Variants in PDPR observed in about 807,000 individuals in gnomAD.
PDPR encodes the protein pyruvate dehydrogenase phosphatase regulatory subunit, mitochondrial.
In PDPR, 50 loss-of-function variants were observed where a neutral mutation model predicts 102.2. The observed-to-expected ratio is 0.49, with a 90% CI of 0.39 to 0.62. The LOEUF (loss-of-function observed/expected upper bound fraction) is 0.62, where lower values mean the gene tolerates loss of function less well. PDPR is among the 20% of genes least tolerant of loss of function. The pLI is 0.00. For missense variants in PDPR, 625 were observed against 1,098.2 expected (o/e 0.57, Z 6.09); for synonymous variants, 259 against 406.0 (o/e 0.64, Z 4.35).
At chr16:70,139,815 T>G (rs958255797) in intron 11 of PDPR, among the ~76,000 whole-genome samples, 1 of 152,262 alleles carries the variant, frequency 6.6e-6, no homozygotes, top group Non-Finnish European at 1.5e-5. Flanking sequence ...GGCATACTTA[T>G]GCTCAGGACT....
At chr16:70,129,378 C>G (rs1200308441) in intron 6 of PDPR, among the ~76,000 whole-genome samples, 7 of 152,268 alleles carry the variant, frequency 4.6e-5, no homozygotes, top group African/African-American at 1.7e-4. Context: ...GAGCTTCACT[C>G]TTTTCGCCCA....
At position 70,159,848 on chromosome 16, in the gene PDPR, C is replaced by G. The variant is rs1967616040; in HGVS notation, c.*2969C>G. 1 of 153,070 alleles carries G rather than the reference C, an allele frequency of 6.5e-6. No individual in the cohort carries two copies. Among genetic ancestry groups the G allele is most frequent in the African/African-American group, 2.4e-5 (1 of 41,506 alleles). The allele number at this position is 153,070 out of a possible 1,614,324, so 9.5% of individuals were successfully genotyped here. On this transcript the variant is annotated 3_prime_UTR_variant, in exon 19 of 19. Transcript: ENST00000288050. Reference sequence around the variant, plus strand: ...AATAAGGAGGGACAACCACAGCCTCCTCATCCATGTGTCATTTCCAAGGGT... The same window carrying G: ...AATAAGGAGGGACAACCACAGCCTCGTCATCCATGTGTCATTTCCAAGGGT...
chr16:70,126,584 C>T (rs772527478), intron 3 of PDPR, among the ~76,000 whole-genome samples: 24 of 152,342 alleles, frequency 1.6e-4, no homozygotes, highest in Non-Finnish European at 2.8e-4. Flanking sequence ...AAGATGGTTT[C>T]GATCTCCTGA....
chr16:70,156,710 CG>C lies in PDPR; in HGVS notation c.2476del (p.Glu826LysfsTer5), dbSNP rs1967249688. 4.3e-6 allele frequency: 7 copies of C among 1,613,968 alleles called. No individual in the cohort carries two copies. The highest frequency in any genetic ancestry group is 5.1e-6 in the Non-Finnish European group (6 of 1,179,912). On this transcript the variant is annotated frameshift_variant, in exon 19 of 19. Coordinates refer to ENST00000288050, the MANE Select transcript of PDPR (RefSeq NM_017990.5). LOFTEE classifies it high-confidence loss of function. ...TTTGTGCACAATTTTTCTGAGGACA[CG>C]GGGGAAGAGCAAGTGGTGACAGCAG... ...LGFVHNFSED[T>X]GEEQVVTADF... is the part of the protein sequence containing the mutation.
chr16:70,152,654 T>C (rs1299335382), intron 17 of PDPR, among the ~76,000 whole-genome samples: 2 of 152,296 alleles, frequency 1.3e-5, no homozygotes, highest in African/African-American at 4.8e-5. Flanking sequence ...GCTGGTTCTT[T>C]GCTACGTCTT....
In PDPR at chr16:70,160,522, A is replaced by G. The variant is rs1455526021; in HGVS notation, c.*3643A>G. On this transcript the variant is annotated 3_prime_UTR_variant, in exon 19 of 19. Transcript: ENST00000288050. ...CATTCAGGCCAGAGACACAGAGACC[A>G]CATAGCCCAGTGATTAAACCCCGGT... 6.5e-6 allele frequency: 1 copy of G among 152,704 alleles called. No homozygotes were observed. Among genetic ancestry groups the G allele is most frequent in the African/African-American group, 2.4e-5 (1 of 41,478 alleles). The allele number at this position is 152,704 out of a possible 1,614,324, so 9.5% of individuals were successfully genotyped here.
intron 3 of PDPR, among the ~76,000 whole-genome samples, chr16:70,122,694 C>G (rs188719085): frequency 4.6e-5 from 7 of 152,384 alleles, no homozygotes; most frequent in Admixed American, 2.6e-4. Flanking sequence ...GGCTTAGCAT[C>G]CATTGACAAC....
rs561440220 is a variant in PDPR, at chr16:70,122,188, T to C, written c.227+1469T>C. On this transcript the variant is annotated intron_variant, in intron 3 of 18. Transcript: ENST00000288050. Reference sequence around the variant, plus strand: ...TTTTAGTAGAGACAGGATTTCACCGTGTTAGCCAGGCTGGTCTTGGACTCC... The same window carrying C: ...TTTTAGTAGAGACAGGATTTCACCGCGTTAGCCAGGCTGGTCTTGGACTCC... Among the ~76,000 whole-genome samples, 274 of 152,280 alleles carry C rather than the reference T, an allele frequency of 1.8e-3. 1 individual carries two copies. Among genetic ancestry groups the C allele is most frequent in the Admixed American group, 5.8e-3 (88 of 15,280 alleles).
rs770309931 is a variant in PDPR, at chr16:70,153,520, A to C, written c.2182A>C (p.Asn728His). Reference protein sequence around the residue: ...FFAFWGQDINNLTTPLECGRE... With the variant: ...FFAFWGQDINHLTTPLECGRE... ...TGCCTTCTGGGGTCAGGATATAAATAACCTCACCACGCCCCTGGAATGTGG... is the reference window on the plus strand; with the variant it reads ...TGCCTTCTGGGGTCAGGATATAAATCACCTCACCACGCCCCTGGAATGTGG... Residue 728 changes from asparagine to histidine, a missense_variant, in exon 18 of 19, where the codon AAC becomes CAC. By Grantham distance (68) the Asn-to-His change is moderately conservative (BLOSUM62 1). Transcript: ENST00000288050. The C allele has an allele frequency of 1.9e-6, 3 of 1,612,216 alleles. No homozygotes were observed. The highest frequency in any genetic ancestry group is 2.5e-6 in the Non-Finnish European group (3 of 1,179,330).
chr16:70,156,864 C>T lies in PDPR; in HGVS notation c.2625C>T (p.Asp875=), dbSNP rs1440000523. Reference sequence around the variant, plus strand: ...GAAAGGATGACATGGAGCTGAGTGACTTACATGGGAAGTGATGCCACCAGG... The same window carrying T: ...GAAAGGATGACATGGAGCTGAGTGATTTACATGGGAAGTGATGCCACCAGG... ...KRRKDDMELS[D]LHGK Residue 875 remains aspartate, a synonymous_variant, in exon 19 of 19, where the codon GAC becomes GAT. Coordinates refer to ENST00000288050, the MANE Select transcript of PDPR (RefSeq NM_017990.5). 1 of 1,613,714 alleles carries T rather than the reference C, an allele frequency of 6.2e-7. No homozygotes were observed.
chr16:70,132,819 TTG>T (rs898799515), intron 9 of PDPR, among the ~76,000 whole-genome samples: 6 of 151,802 alleles, frequency 4.0e-5, no homozygotes, highest in Admixed American at 3.3e-4. Flanking sequence ...CTCTATCATT[TTG>T]TGTGTGTGTG....
chr16:70,119,941 G>C (rs1429784920), intron 2 of PDPR, among the ~76,000 whole-genome samples: 1 of 150,718 alleles, frequency 6.6e-6, no homozygotes, highest in African/African-American at 2.5e-5. Flanking sequence ...TTTTGAGACG[G>C]AGTCTCGCTC....
Position 70,156,839 on chromosome 16 carries a change from G to A in PDPR, c.2600G>A (p.Arg867Gln), listed in dbSNP as rs200241441. 4.4e-5 allele frequency: 71 copies of A among 1,613,824 alleles called. No homozygotes were observed. The highest frequency in any genetic ancestry group is 6.7e-5 in the East Asian group (3 of 44,892). The change falls in exon 19 of 19, where the codon CGA becomes CAA. Residue 867 changes from arginine (R) to glutamine (Q), a missense_variant. Around this residue, in one of 11 missense-constraint regions of PDPR, gnomAD observed 303 missense variants for 258.9 expected, o/e 1.17. Coordinates refer to ENST00000288050, the MANE Select transcript of PDPR (RefSeq NM_017990.5). Reference protein sequence around the residue: ...PVASLFTQKRRKDDMELSDLH... With the variant: ...PVASLFTQKRQKDDMELSDLH... ...GCCTCCCTCTTCACCCAGAAGCGCC[G>A]AAAGGATGACATGGAGCTGAGTGAC...
chr16:70,125,386 AC>A (rs1202025152), intron 3 of PDPR, among the ~76,000 whole-genome samples: 15 of 123,016 alleles, frequency 1.2e-4, no homozygotes, highest in East Asian at 1.1e-3. Context: ...AAAAAAACAA[AC>A]AAACAAAAAA....
At chr16:70,134,066 T>C (rs1322635825) in intron 9 of PDPR, among the ~76,000 whole-genome samples, 3 of 152,228 alleles carry the variant, frequency 2.0e-5, no homozygotes, top group African/African-American at 7.2e-5. Flanking sequence ...AAATTATTGC[T>C]CAGATTTTAG....
At chr16:70,126,303 T>G (rs1352840171) in intron 3 of PDPR, among the ~76,000 whole-genome samples, 2 of 152,274 alleles carry the variant, frequency 1.3e-5, no homozygotes, top group Non-Finnish European at 2.9e-5. Flanking sequence ...CCGCAAACTT[T>G]TGGGATCAAG....
At position 70,156,600 on chromosome 16, in the gene PDPR, G is replaced by A; in HGVS notation, c.2361G>A (p.Glu787=). The change falls in exon 19 of 19, where the codon GAG becomes GAA. Residue 787 remains glutamate, a synonymous_variant. Coordinates refer to ENST00000288050, the MANE Select transcript of PDPR (RefSeq NM_017990.5). ...TAGACCTTTGGCCTTGGTGGGGAGA[G>A]CCCATTTACCGGAATGGGCAGTATG... ...SDLDLWPWWG[E]PIYRNGQYVG... is the part of the protein sequence containing the mutation. 1.2e-6 allele frequency: 2 copies of A among 1,614,102 alleles called. No homozygotes were observed. The highest frequency in any genetic ancestry group is 2.2e-5 in the South Asian group (2 of 91,088).
rs1597394759 is a variant in PDPR at position 70,160,044 on chromosome 16, G to A, written c.*3165G>A. ...CATTTTGTGCTCACCACGAAGGATG[G>A]TCTCTGCCTTCTCTTGTCGGTGTAT... On this transcript the variant is annotated 3_prime_UTR_variant, in exon 19 of 19. Coordinates refer to ENST00000288050, the MANE Select transcript of PDPR (RefSeq NM_017990.5). The A allele has an allele frequency of 6.5e-6, 1 of 152,754 alleles. No individual in the cohort carries two copies. Among genetic ancestry groups the A allele is most frequent in the East Asian group, 1.9e-4 (1 of 5,214 alleles). 9.5% of individuals were successfully genotyped at this position (152,754 alleles called of 1,614,324 possible). A position where few individuals can be genotyped will look rare whatever the true frequency, so the allele number is the denominator to read the frequency against.
intron 11 of PDPR, 138 bp from the exon 12 acceptor site, chr16:70,142,096 G>A (rs200057002): frequency 0.036 from 33,953 of 930,594 alleles, 4 homozygotes; most frequent in African/African-American, 0.046. Context: ...GCAAAACTCC[G>A]TCTTAAAAAA....
Sources: gnomAD v4.1 joint callset for allele counts (sites outside exome capture counted in the v4.1 genomes callset) on GRCh38, gnomAD v4.1.1 for gene constraint, gnomAD v4.1.1 regional missense constraint, MANE v1.5 for transcripts, NCBI Gene and HGNC (gene_info 2026-07-23, HGNC 2026-07-21) for gene names.